The following DDX1 variants were observed in gnomAD, a reference collection of about 807,000 sequenced individuals.
The protein encoded by DDX1 is DEAD-box helicase 1, also known as ATP-dependent RNA helicase DDX1.
In DDX1, 28 loss-of-function variants were observed where a neutral mutation model predicts 108.7. The observed-to-expected ratio is 0.26, with a 90% confidence interval of 0.19 to 0.35. DDX1 has a LOEUF of 0.35. DDX1 is among the 10% of genes least tolerant of loss of function. The pLI is 1.00. For synonymous variants in DDX1, 295 were observed against 288.9 expected (o/e 1.02, Z -0.21); for missense variants, 710 against 884.5 (o/e 0.80, Z 2.50).
intron 13 of DDX1, among the ~76,000 whole-genome samples, chr2:15,609,167 A>G (rs1484554500): frequency 6.6e-6 from 1 of 152,226 alleles, no homozygotes; most frequent in Non-Finnish European, 1.5e-5. Flanking sequence ...ACGTCTTTAT[A>G]AAAGGATTTG....
chr2:15,614,955 T>A (rs1440100841), intron 14 of DDX1, among the ~76,000 whole-genome samples: 1 of 152,236 alleles, frequency 6.6e-6, no homozygotes, highest in African/African-American at 2.4e-5. Flanking sequence ...TAAATCTGCT[T>A]TCATCAGGAT....
At chr2:15,612,554 C>T (rs1445019454) in intron 13 of DDX1, among the ~76,000 whole-genome samples, 19 of 150,752 alleles carry the variant, frequency 1.3e-4, no homozygotes, top group Non-Finnish European at 2.1e-4. Context: ...CTCCTCACGT[C>T]CCAGATGATG....
chr2:15,618,265 C>G lies in DDX1; in HGVS notation c.1201C>G (p.Leu401Val). Residue 401 changes from leucine to valine, a missense_variant, in exon 16 of 26, where the codon CTT (leucine) becomes GTT (valine). Leu to Val is a conservative substitution (Grantham distance 32, BLOSUM62 1). Coordinates refer to ENST00000233084, the MANE Select transcript of DDX1 (RefSeq NM_004939.3). ...TCAGGTTACCTCTGATGGAAAAAGA[C>G]TTCAGGTATAAAATTTATCAATGCA... ...IPQVTSDGKR[L>V]QVIVCSATLH... The G allele has an allele frequency of 2.0e-6, 3 of 1,527,360 alleles. No individual in the cohort carries two copies. The highest frequency in any genetic ancestry group is 2.7e-6 in the Non-Finnish European group (3 of 1,107,770). 94.6% of individuals were successfully genotyped at this position (1,527,360 alleles called of 1,614,324 possible). A position where few individuals can be genotyped will look rare whatever the true frequency, so the allele number is the denominator to read the frequency against.
intron 13 of DDX1, among the ~76,000 whole-genome samples, chr2:15,607,960 G>A (rs913622916): frequency 1.3e-4 from 19 of 151,938 alleles, no homozygotes; most frequent in Non-Finnish European, 2.6e-4. Context: ...AGTAAACTTG[G>A]CGAGGTTTAT....
intron 14 of DDX1, among the ~76,000 whole-genome samples, chr2:15,614,241 T>G (rs1337776215): frequency 1.3e-5 from 2 of 152,222 alleles, no homozygotes; most frequent in African/African-American, 4.8e-5. Flanking sequence ...TTCCTAAATA[T>G]TTAATCATTA....
rs79080076 is a variant in DDX1 at position 15,594,877 on chromosome 2, G to A, written c.17-268G>A. Among the ~76,000 whole-genome samples the A allele has an allele frequency of 7.4e-3, 1,122 of 152,276 alleles. 14 individuals are homozygous for A. The highest frequency in any genetic ancestry group is 0.026 in the African/African-American group (1,072 of 41,572). ...TTATCTCTGGTCTTCATATAGCCCT[G>A]CAAGGTAGGCAATATCAGCCCCATT... is the stretch of plus-strand genomic sequence containing the variant. On this transcript the variant is annotated intron_variant, in intron 1 of 25. Transcript: ENST00000233084.
chr2:15,601,462 A>G (rs996605919), intron 6 of DDX1, among the ~76,000 whole-genome samples: 2 of 152,198 alleles, frequency 1.3e-5, no homozygotes, highest in African/African-American at 2.4e-5. Flanking sequence ...GGTTCCTACA[A>G]TTCCTTCCTC....
At chr2:15,624,294 A>G (rs563227470) in intron 19 of DDX1, among the ~76,000 whole-genome samples, 11 of 152,334 alleles carry the variant, frequency 7.2e-5, no homozygotes, top group African/African-American at 2.4e-4. Context: ...AAGAGTCACT[A>G]TGTAATAAAA....
Position 15,606,170 on chromosome 2 carries a change from C to G in DDX1, c.723C>G (p.Asn241Lys), listed in dbSNP as rs770183528. 3 of 1,613,682 alleles carry G rather than the reference C, an allele frequency of 1.9e-6. No individual in the cohort carries two copies. Among genetic ancestry groups the G allele is most frequent in the Admixed American group, 3.3e-5 (2 of 59,964 alleles). ...CVLKNAELKF[N>K]FGEEEFKFPP... The stretch of plus-strand genomic sequence containing the variant: ...GCTAGAATGCTGAACTGAAATTTAA[C>G]TTCGGTGAAGAGGAATTTAAGTTTC... Residue 241 changes from asparagine (N) to lysine (K), a missense_variant, in exon 12 of 26, where the codon AAC (asparagine) becomes AAG (lysine). By Grantham distance (94) the Asn-to-Lys change is moderately conservative (BLOSUM62 0). Coordinates refer to ENST00000233084, the MANE Select transcript of DDX1 (RefSeq NM_004939.3).
Position 15,604,464 on chromosome 2 carries a change from T to C in DDX1, c.580T>C (p.Cys194Arg). ...EEFTMHDTIGCYLDIDKGHVK... is the reference protein window; with the variant it reads ...EEFTMHDTIGRYLDIDKGHVK... Reference sequence around the variant, plus strand: ...ATTCACTATGCATGATACCATTGGATGTTACCTGGATATAGATAAGGGACA... The same window carrying C: ...ATTCACTATGCATGATACCATTGGACGTTACCTGGATATAGATAAGGGACA... Residue 194 changes from cysteine (C) to arginine (R), a missense_variant, in exon 10 of 26, where the codon TGT becomes CGT. This residue lies in a region of DDX1 where 661 missense variants were observed against 810.2 expected (regional missense o/e 0.82). Coordinates refer to ENST00000233084, the MANE Select transcript of DDX1 (RefSeq NM_004939.3). The C allele has an allele frequency of 6.2e-7, 1 of 1,611,286 alleles. No homozygotes were observed. Among genetic ancestry groups the C allele is most frequent in the Non-Finnish European group, 8.5e-7 (1 of 1,177,612 alleles).
At chr2:15,611,782 G>C (rs1442119051) in intron 13 of DDX1, among the ~76,000 whole-genome samples, 2 of 88,254 alleles carry the variant, frequency 2.3e-5, no homozygotes, top group Admixed American at 1.0e-4. Flanking sequence ...CTGGCCGGGC[G>C]GGGGGCTGAC....
intron 16 of DDX1, among the ~76,000 whole-genome samples, chr2:15,619,110 C>T (rs1459052205): frequency 6.6e-6 from 1 of 152,286 alleles, no homozygotes; most frequent in Middle Eastern, 3.4e-3. Context: ...CCCTGGCTCC[C>T]ACCACCACCC....
At chr2:15,607,443 A>C in intron 13 of DDX1, 130 bp downstream of exon 13, 1 of 653,390 alleles carries the variant, frequency 1.5e-6, no homozygotes. Context: ...GAGTATGTAA[A>C]TATACTTTAA....
chr2:15,607,645 G>C (rs756867987), intron 13 of DDX1, among the ~76,000 whole-genome samples: 1 of 152,010 alleles, frequency 6.6e-6, no homozygotes, highest in African/African-American at 2.4e-5. Flanking sequence ...GGAGTGTAGT[G>C]ATATGATTGT....
intron 5 of DDX1, 38 bp from the exon 6 acceptor site, chr2:15,599,631 A>G (rs1286945082): frequency 3.9e-6 from 6 of 1,531,792 alleles, no homozygotes; most frequent in Non-Finnish European, 5.3e-6. Flanking sequence ...TAAATTTTAT[A>G]TATCTGTGGG....
At position 15,620,264 on chromosome 2, in the gene DDX1, G is replaced by C; in HGVS notation, c.1263G>C (p.Lys421Asn). Residue 421 changes from lysine (K) to asparagine (N), a missense_variant, in exon 17 of 26, where the codon AAG becomes AAC. Coordinates refer to ENST00000233084, the MANE Select transcript of DDX1 (RefSeq NM_004939.3). ...HSFDVKKLSE[K>N]IMHFPTWVDL... ...TCGATGTAAAGAAACTGTCCGAGAA[G>C]ATAATGCATTTTCCTACATGGGTTG... 6.2e-7 allele frequency: 1 copy of C among 1,614,086 alleles called. No individual in the cohort carries two copies. Among genetic ancestry groups the C allele is most frequent in the South Asian group, 1.1e-5 (1 of 91,068 alleles).
chr2:15,616,813 C>T (rs1459280766), intron 14 of DDX1, among the ~76,000 whole-genome samples: 1 of 152,138 alleles, frequency 6.6e-6, no homozygotes, highest in Non-Finnish European at 1.5e-5. Context: ...TCTTAATTAT[C>T]ACAACCATCT....
intron 14 of DDX1, among the ~76,000 whole-genome samples, chr2:15,613,518 C>G: frequency 6.6e-6 from 1 of 152,168 alleles, no homozygotes; most frequent in East Asian, 1.9e-4. Context: ...GTTGTTTACC[C>G]TCTGAACATT....
Position 15,597,359 on chromosome 2 carries a change from T to G in DDX1, c.163-16T>G. On this transcript the variant is annotated splice_polypyrimidine_tract_variant and intron_variant, in intron 4 of 25. Coordinates refer to ENST00000233084, the MANE Select transcript of DDX1 (RefSeq NM_004939.3). Reference sequence around the variant, plus strand: ...TATGTGAATACTAATATAGATACCTTTTGTTTCTTTGATAGGCTTTTAGTA... The same window carrying G: ...TATGTGAATACTAATATAGATACCTGTTGTTTCTTTGATAGGCTTTTAGTA... The G allele has an allele frequency of 6.6e-7, 1 of 1,523,750 alleles. No homozygotes were observed. 94.4% of individuals were successfully genotyped at this position (1,523,750 alleles called of 1,614,324 possible). A position where few individuals can be genotyped will look rare whatever the true frequency, so the allele number is the denominator to read the frequency against.
Sources: gnomAD v4.1 joint callset for allele counts (sites outside exome capture counted in the v4.1 genomes callset) on GRCh38, gnomAD v4.1.1 for gene constraint, gnomAD v4.1.1 regional missense constraint, MANE v1.5 for transcripts, NCBI Gene and HGNC (gene_info 2026-07-23, HGNC 2026-07-21) for gene names.